The following TTC28 variants were observed in gnomAD, a reference collection of about 807,000 sequenced individuals.
The protein encoded by TTC28 is tetratricopeptide repeat domain 28, also known as tetratricopeptide repeat protein 28.
In TTC28, 61 loss-of-function variants were observed where a neutral mutation model predicts 198.0. The observed-to-expected ratio is 0.31, with a 90% CI of 0.25 to 0.38. The LOEUF is 0.38. Ranked by LOEUF, TTC28 falls within the 10% of genes least tolerant of loss-of-function variation. The pLI, the probability that TTC28 is intolerant of heterozygous loss-of-function variation, is 1.00. For missense variants in TTC28, 2,678 were observed against 3,164.0 expected (o/e 0.85, Z 3.69); for synonymous variants, 1,171 against 1,297.8 (o/e 0.90, Z 2.10).
At chr22:28,357,384 T>G (rs1045578291) in intron 2 of TTC28, among the ~76,000 whole-genome samples, 2 of 142,386 alleles carry the variant, frequency 1.4e-5, no homozygotes, top group African/African-American at 2.6e-5. Flanking sequence ...GGTGCAATCA[T>G]AGCTCACTGC....
chr22:28,106,507 A>T (rs968711839), intron 7 of TTC28, among the ~76,000 whole-genome samples: 2 of 152,186 alleles, frequency 1.3e-5, no homozygotes, highest in Non-Finnish European at 2.9e-5. Context: ...GATATAGAGT[A>T]ATACAAAACT....
chr22:28,502,454 C>T (rs1015745815), intron 2 of TTC28, among the ~76,000 whole-genome samples: 4 of 149,062 alleles, frequency 2.7e-5, no homozygotes, highest in African/African-American at 5.0e-5. Flanking sequence ...TCCTGGCTAA[C>T]ACGGTGAAAC....
intron 5 of TTC28, among the ~76,000 whole-genome samples, chr22:28,276,106 G>T (rs538142238): frequency 6.6e-6 from 1 of 151,860 alleles, no homozygotes. Flanking sequence ...CCAACTCCAG[G>T]ACTCCAATGA....
chr22:28,052,976 C>T (rs1203980514), intron 12 of TTC28, among the ~76,000 whole-genome samples: 1 of 152,226 alleles, frequency 6.6e-6, no homozygotes, highest in African/African-American at 2.4e-5. Flanking sequence ...GTGTGTGCAG[C>T]AGACCCCCAG....
At chr22:28,486,403 C>T (rs2048315511) in intron 2 of TTC28, among the ~76,000 whole-genome samples, 2 of 152,050 alleles carry the variant, frequency 1.3e-5, no homozygotes, top group Non-Finnish European at 1.5e-5. Context: ...TCTCATTTGC[C>T]AAGTGTCCCA....
intron 12 of TTC28, among the ~76,000 whole-genome samples, chr22:28,085,566 T>A (rs572387847): frequency 6.6e-6 from 1 of 152,232 alleles, no homozygotes; most frequent in East Asian, 1.9e-4. Context: ...CATGCCAAAC[T>A]GTAAAGACCA....
intron 1 of TTC28, among the ~76,000 whole-genome samples, chr22:28,650,936 G>A (rs376984644): frequency 2.6e-5 from 4 of 152,316 alleles, no homozygotes; most frequent in East Asian, 3.9e-4. Context: ...TGTTAGGTGT[G>A]AGTCAAATCT....
intron 2 of TTC28, among the ~76,000 whole-genome samples, chr22:28,463,627 C>G (rs1306101487): frequency 1.3e-5 from 2 of 152,084 alleles, no homozygotes; most frequent in Non-Finnish European, 2.9e-5. Flanking sequence ...ATGGATGAAG[C>G]TGGAAACCAT....
intron 2 of TTC28, among the ~76,000 whole-genome samples, chr22:28,507,339 A>T (rs990247317): frequency 1.3e-5 from 2 of 152,200 alleles, no homozygotes; most frequent in African/African-American, 4.8e-5. Context: ...TTTCGGAAAT[A>T]AGACAGGCAG....
chr22:28,191,217 T>G (rs915800375), intron 5 of TTC28, among the ~76,000 whole-genome samples: 1 of 152,238 alleles, frequency 6.6e-6, no homozygotes, highest in Non-Finnish European at 1.5e-5. Context: ...ATTCAAATTA[T>G]GCTAAAGGTG....
intron 5 of TTC28, among the ~76,000 whole-genome samples, chr22:28,216,484 T>A (rs544824439): frequency 6.6e-6 from 1 of 152,230 alleles, no homozygotes; most frequent in Non-Finnish European, 1.5e-5. Context: ...TGTTGTAAAT[T>A]GGGGAGTAGT....
rs1939024154 is a variant in TTC28 at position 28,030,325 on chromosome 22, A to T, written c.3974T>A (p.Ile1325Asn). 1 of 1,551,672 alleles carries T rather than the reference A, an allele frequency of 6.4e-7. No homozygotes were observed. ...CATCTCTTCAAATTGCTGGTCCATG[A>T]TGTCTCCCGCTTCACTCTCTGTCTC... Reference protein sequence around the residue: ...SSETESEAGDIMDQQFEEMNN... With the variant: ...SSETESEAGDNMDQQFEEMNN... Residue 1325 changes from isoleucine (I) to asparagine (N), a missense_variant, in exon 13 of 23, where the codon ATC becomes AAC. Ile to Asn is a moderately radical substitution (Grantham distance 149). This residue lies in a region of TTC28 where 727 missense variants were observed against 861.9 expected (regional missense o/e 0.84). Transcript: ENST00000397906.
At chr22:28,032,267 A>ATATATATATATT (rs1226631612) in intron 12 of TTC28, among the ~76,000 whole-genome samples, 1 of 78,708 alleles carries the variant, frequency 1.3e-5, no homozygotes. Context: ...ATATATATAT[A>ATATATATATATT]GTGTGTGTGT....
intron 2 of TTC28, among the ~76,000 whole-genome samples, chr22:28,602,205 G>T (rs2050650901): frequency 6.6e-6 from 1 of 152,140 alleles, no homozygotes; most frequent in Non-Finnish European, 1.5e-5. Flanking sequence ...CCCAAGAGTG[G>T]TCAAAATCCA....
At chr22:28,059,777 T>C (rs1287086799) in intron 12 of TTC28, among the ~76,000 whole-genome samples, 1 of 151,990 alleles carries the variant, frequency 6.6e-6, no homozygotes, top group Non-Finnish European at 1.5e-5. Flanking sequence ...GGTAAATTGA[T>C]TCTTTTATCA....
At chr22:28,346,984 C>T (rs1467810521) in intron 2 of TTC28, among the ~76,000 whole-genome samples, 1 of 152,078 alleles carries the variant, frequency 6.6e-6, no homozygotes, top group African/African-American at 2.4e-5. Flanking sequence ...AGACTATGGC[C>T]GGGTGCGGTG....
chr22:28,552,224 A>G (rs1569020199), intron 2 of TTC28, among the ~76,000 whole-genome samples: 1 of 152,234 alleles, frequency 6.6e-6, no homozygotes, highest in Non-Finnish European at 1.5e-5. Context: ...GCTGAAAGAA[A>G]TCACAGATGA....
At chr22:27,998,481 G>A (rs763854925) in intron 16 of TTC28, 59 bp downstream of exon 16, 178 of 1,497,478 alleles carry the variant, frequency 1.2e-4, no homozygotes, top group Non-Finnish European at 1.4e-4. Flanking sequence ...TAAAGTCGGG[G>A]GGCTGTGAGG....
intron 12 of TTC28, 138 bp from the exon 13 acceptor site, chr22:28,030,504 T>C: frequency 9.4e-7 from 1 of 1,064,986 alleles, no homozygotes; most frequent in Middle Eastern, 3.1e-4. Flanking sequence ...ATCACCCCAC[T>C]CCCTCCTCAG....
Sources: gnomAD v4.1 joint callset for allele counts (sites outside exome capture counted in the v4.1 genomes callset) on GRCh38, gnomAD v4.1.1 for gene constraint, gnomAD v4.1.1 regional missense constraint, MANE v1.5 for transcripts, NCBI Gene and HGNC (gene_info 2026-07-23, HGNC 2026-07-21) for gene names.